Variants in CAST observed in about 807,000 individuals in gnomAD.
CAST encodes the protein MIR583 host.
In CAST, 76 loss-of-function variants were observed where a neutral mutation model predicts 119.6. That is an observed-to-expected ratio of 0.64 (90% confidence interval 0.53 to 0.77). The LOEUF (loss-of-function observed/expected upper bound fraction) is 0.77, where lower values mean the gene tolerates loss of function less well. Ranked by LOEUF, CAST falls within the 30% of genes least tolerant of loss-of-function variation. The pLI, the probability that CAST is intolerant of heterozygous loss-of-function variation, is 0.00. For synonymous variants in CAST, 319 were observed against 331.6 expected, an observed-to-expected ratio of 0.96 and a Z score of 0.41; for missense variants, 953 against 946.5, an observed-to-expected ratio of 1.01 and a Z score of -0.09.
the CAST span, among the ~76,000 whole-genome samples, chr5:96,506,750 C>G: frequency 1.3e-5 from 2 of 152,196 alleles, no homozygotes; most frequent in East Asian, 3.9e-4. Context: ...AAGACCTCCA[C>G]ATAGAGGCTT....
At chr5:96,425,048 G>GAAAA in the CAST span, among the ~76,000 whole-genome samples, 1,435 of 123,966 alleles carry the variant, frequency 0.012, 27 homozygotes, top group Non-Finnish European at 0.018. Context: ...AAGAAAGAAA[G>GAAAA]AAAGAAAGAA....
the CAST span, among the ~76,000 whole-genome samples, chr5:96,365,255 A>T: frequency 1.9e-4 from 29 of 152,304 alleles, no homozygotes; most frequent in African/African-American, 6.7e-4. Flanking sequence ...TATGTGGTCA[A>T]TTTTGGAATA....
intron 1 of CAST, among the ~76,000 whole-genome samples, chr5:96,592,512 CTTTT>C (rs1239931654): frequency 6.6e-6 from 1 of 152,078 alleles, no homozygotes; most frequent in Admixed American, 6.5e-5. Context: ...TTCTTTCTCA[CTTTT>C]TTATTTTAAA....
the CAST span, among the ~76,000 whole-genome samples, chr5:96,394,566 G>T: frequency 3.9e-5 from 6 of 152,142 alleles, no homozygotes; most frequent in East Asian, 1.2e-3. Flanking sequence ...AGATATATGT[G>T]ATTGGGCATA....
the CAST span, among the ~76,000 whole-genome samples, chr5:96,161,158 A>T: frequency 6.6e-6 from 1 of 151,890 alleles, no homozygotes; most frequent in Non-Finnish European, 1.5e-5. Flanking sequence ...CTGTCTGTTG[A>T]TGTCATACCT....
At chr5:96,293,109 T>TAGATATAATA in the CAST span, among the ~76,000 whole-genome samples, 2 of 152,184 alleles carry the variant, frequency 1.3e-5, no homozygotes, top group African/African-American at 4.8e-5. Context: ...GTGGCCTCCA[T>TAGATATAATA]TCACATGATC....
chr5:96,313,284 C>A, the CAST span, among the ~76,000 whole-genome samples: 1 of 152,112 alleles, frequency 6.6e-6, no homozygotes, highest in Non-Finnish European at 1.5e-5. Flanking sequence ...AGGTAACAAT[C>A]ACCAAAATCA....
Position 96,622,895 on chromosome 5 carries a change from G to A in CAST, c.61-52644G>A, listed in dbSNP as rs1249469700. ...TTTTTTTTTTTTGAGACGGAGTCTCGCTCTGTCGCCCAGGCTGGAGTGCAG... is the reference window on the plus strand; with the variant it reads ...TTTTTTTTTTTTGAGACGGAGTCTCACTCTGTCGCCCAGGCTGGAGTGCAG... On this transcript the variant is annotated intron_variant, in intron 1 of 11. Coordinates refer to the CAST transcript ENST00000505143. Among the ~76,000 whole-genome samples the A allele has an allele frequency of 2.0e-4, 16 of 79,142 alleles. 1 individual carries two copies. The highest frequency in any genetic ancestry group is 3.7e-4 in the Non-Finnish European group (16 of 43,744). 51.9% of individuals were successfully genotyped at this position (79,142 alleles called of 152,430 possible). A position where few individuals can be genotyped will look rare whatever the true frequency, so the allele number is the denominator to read the frequency against.
the CAST span, among the ~76,000 whole-genome samples, chr5:96,001,110 G>T: frequency 6.6e-6 from 1 of 152,104 alleles, no homozygotes; most frequent in Non-Finnish European, 1.5e-5. Context: ...GTGTAAAGTG[G>T]CAGATCATTT....
the CAST span, among the ~76,000 whole-genome samples, chr5:96,283,605 T>C: frequency 6.6e-6 from 1 of 152,174 alleles, no homozygotes; most frequent in African/African-American, 2.4e-5. Flanking sequence ...TTCTGTCTGG[T>C]CCAGACTAAA....
intron 22 of CAST, among the ~76,000 whole-genome samples, chr5:96,756,925 A>G (rs1766447022): frequency 6.6e-6 from 1 of 152,218 alleles, no homozygotes; most frequent in African/African-American, 2.4e-5. Context: ...CTGACAGGTT[A>G]AACTCCCTGA....
chr5:96,673,156 A>G (rs1750317327), intron 1 of CAST, among the ~76,000 whole-genome samples: 1 of 152,206 alleles, frequency 6.6e-6, no homozygotes, highest in Non-Finnish European at 1.5e-5. Context: ...TATTATTATT[A>G]CTTATGTAAT....
At chr5:96,610,979 A>T (rs1341532390) in intron 1 of CAST, among the ~76,000 whole-genome samples, 1 of 152,148 alleles carries the variant, frequency 6.6e-6, no homozygotes, top group African/African-American at 2.4e-5. Flanking sequence ...TGGAGGGGAA[A>T]GATGTCTGCA....
chr5:96,076,539 T>A, the CAST span, among the ~76,000 whole-genome samples: 1 of 152,138 alleles, frequency 6.6e-6, no homozygotes, highest in African/African-American at 2.4e-5. Flanking sequence ...AATATTTTAG[T>A]GAGGAAAACA....
At chr5:96,554,848 A>G (rs1256547777) in intron 1 of CAST, among the ~76,000 whole-genome samples, 2 of 152,234 alleles carry the variant, frequency 1.3e-5, no homozygotes, top group Admixed American at 6.5e-5. Flanking sequence ...CAAAACCACA[A>G]TGAGATACCA....
chr5:96,098,561 G>A, the CAST span, among the ~76,000 whole-genome samples: 1 of 152,012 alleles, frequency 6.6e-6, no homozygotes, highest in Admixed American at 6.6e-5. Flanking sequence ...TTTTCCCAGC[G>A]CTATTTATTG....
At chr5:96,433,519 T>C in the CAST span, among the ~76,000 whole-genome samples, 2 of 152,160 alleles carry the variant, frequency 1.3e-5, no homozygotes, top group East Asian at 3.9e-4. Context: ...TGAACATAAC[T>C]ACCAAGAATC....
chr5:96,088,383 T>G, the CAST span, among the ~76,000 whole-genome samples: 1 of 152,174 alleles, frequency 6.6e-6, no homozygotes, highest in East Asian at 1.9e-4. Flanking sequence ...TTCCCAGATC[T>G]TGACAATCAA....
chr5:96,373,162 A>G, the CAST span, among the ~76,000 whole-genome samples: 1 of 152,176 alleles, frequency 6.6e-6, no homozygotes, highest in Non-Finnish European at 1.5e-5. Flanking sequence ...AGCTGATTAC[A>G]TTACATGCCT....
Sources: allele counts gnomAD v4.1 joint callset (sites outside exome capture counted in the v4.1 genomes callset), GRCh38; gene constraint gnomAD v4.1.1; transcripts MANE v1.5; gene names NCBI Gene and HGNC (gene_info 2026-07-23, HGNC 2026-07-21).